The following USP6NL variants were observed in gnomAD, a reference collection of about 807,000 sequenced individuals.
USP6NL encodes USP6 N-terminal like.
USP6NL carries 26 observed loss-of-function variants against 61.9 expected under a neutral mutation model. The observed-to-expected ratio is 0.42, with a 90% CI of 0.31 to 0.58. The LOEUF is 0.58. USP6NL is among the 20% of genes least tolerant of loss of function. The pLI is 0.16. For missense variants in USP6NL, 1,114 were observed against 1,034.3 expected, an observed-to-expected ratio of 1.08 and a Z score of -1.06; for synonymous variants, 432 against 390.1, an observed-to-expected ratio of 1.11 and a Z score of -1.27.
At chr10:11,479,839 T>C (rs1833126351) in intron 14 of USP6NL, among the ~76,000 whole-genome samples, 1 of 152,184 alleles carries the variant, frequency 6.6e-6, no homozygotes, top group Non-Finnish European at 1.5e-5. Flanking sequence ...CCTCCTGAAG[T>C]GCTGGGATTA....
At chr10:11,560,675 GA>G (rs1278083807) in intron 2 of USP6NL, among the ~76,000 whole-genome samples, 2 of 131,858 alleles carry the variant, frequency 1.5e-5, no homozygotes, top group Non-Finnish European at 3.3e-5. Context: ...AAACAAAGAA[GA>G]AAAAAAAGGC....
At chr10:11,538,843 C>T (rs1240678305) in intron 2 of USP6NL, among the ~76,000 whole-genome samples, 1 of 152,082 alleles carries the variant, frequency 6.6e-6, no homozygotes, top group Non-Finnish European at 1.5e-5. Context: ...TAGGGGGCTC[C>T]GGGAAGATGA....
intron 2 of USP6NL, among the ~76,000 whole-genome samples, chr10:11,552,498 G>A (rs1836529389): frequency 6.6e-6 from 1 of 152,216 alleles, no homozygotes; most frequent in Non-Finnish European, 1.5e-5. Flanking sequence ...TTTAAGATTA[G>A]TCCTTGAAAT....
Position 11,548,812 on chromosome 10 carries a change from T to C in USP6NL, c.5-21245A>G, listed in dbSNP as rs1368047732. Among the ~76,000 whole-genome samples, 1 of 152,218 alleles carries C rather than the reference T, an allele frequency of 6.6e-6. No individual in the cohort carries two copies. The highest frequency in any genetic ancestry group is 2.4e-5 in the African/African-American group (1 of 41,456). ...ATCATAGAAGACATGTATACCTTTC[T>C]AACACTCAAATAAAACTTATCTCCA... On this transcript the variant is annotated intron_variant, in intron 2 of 14. Transcript: ENST00000609104. The surrounding 1 kb of genome is among the most constrained non-coding windows in gnomAD (Gnocchi z 4.3).
intron 14 of USP6NL, among the ~76,000 whole-genome samples, chr10:11,466,851 AT>A (rs1832481166): frequency 6.6e-6 from 1 of 152,190 alleles, no homozygotes; most frequent in Non-Finnish European, 1.5e-5. Context: ...AGTGGTAGGT[AT>A]TTGTGAATCT....
rs1463377452 is a variant in USP6NL at position 11,571,561 on chromosome 10, T to G, written c.4+26070A>C. Among the ~76,000 whole-genome samples, 3 of 152,118 alleles carry G rather than the reference T, an allele frequency of 2.0e-5. No homozygotes were observed. The South Asian group carries it at 6.2e-4, about 32-fold the overall frequency. The stretch of plus-strand genomic sequence containing the variant: ...TTCACAAATCAATTTTTCATACTAT[T>G]TATAATATTAATATGAATACAATAC... On this transcript the variant is annotated intron_variant, in intron 2 of 14. Transcript: ENST00000609104.
At chr10:11,526,346 G>A (rs1835420081) in intron 3 of USP6NL, among the ~76,000 whole-genome samples, 1 of 152,060 alleles carries the variant, frequency 6.6e-6, no homozygotes, top group Non-Finnish European at 1.5e-5. Context: ...CAGTACACTG[G>A]GAGCATCCTG....
rs1487285674 is a variant in USP6NL at position 11,602,749 on chromosome 10, G to A, written c.-83-5032C>T. On this transcript the variant is annotated intron_variant, in intron 1 of 14. Transcript: ENST00000609104. The surrounding 1 kb of genome is among the most constrained non-coding windows in gnomAD (Gnocchi z 4.8). ...ATTTCATTTTTGGGATGCTCAACTGGTATAATGCAAATATTCCAAAATCTG... is the reference window on the plus strand; with the variant it reads ...ATTTCATTTTTGGGATGCTCAACTGATATAATGCAAATATTCCAAAATCTG... Among the ~76,000 whole-genome samples, 2 of 152,118 alleles carry A rather than the reference G, an allele frequency of 1.3e-5. No homozygotes were observed. Among genetic ancestry groups the A allele is most frequent in the African/African-American group, 4.8e-5 (2 of 41,422 alleles).
At position 11,504,839 on chromosome 10, in the gene USP6NL, A is replaced by ACC. The variant is rs555355320; in HGVS notation, c.277-3633_277-3632dup. ...ACATGAGCTGCTAACAGTGCTGAGCACCATGCCCTGACAGGGGAGGTGCTG... is the reference window on the plus strand; with the variant it reads ...ACATGAGCTGCTAACAGTGCTGAGCACCCCATGCCCTGACAGGGGAGGTGCTG... On this transcript the variant is annotated intron_variant, in intron 6 of 14. Coordinates refer to ENST00000609104, the MANE Select transcript of USP6NL (RefSeq NM_014688.5). Among the ~76,000 whole-genome samples the ACC allele has an allele frequency of 2.0e-5, 3 of 152,326 alleles. 1 individual carries two copies. Among genetic ancestry groups the ACC allele is most frequent in the African/African-American group, 7.2e-5 (3 of 41,562 alleles).
chr10:11,540,113 A>G lies in USP6NL; in HGVS notation c.5-12546T>C, dbSNP rs556042682. On this transcript the variant is annotated intron_variant, in intron 2 of 14. Coordinates refer to ENST00000609104, the MANE Select transcript of USP6NL (RefSeq NM_014688.5). This position sits in a 1 kb window ranked among gnomAD's most constrained non-coding sequence, Gnocchi z 5.0. Reference sequence around the variant, plus strand: ...TCCTTACATTTCTTCCCACAGAAACAAATCTATGTGATTCCTGTGAATTCT... The same window carrying G: ...TCCTTACATTTCTTCCCACAGAAACGAATCTATGTGATTCCTGTGAATTCT... Among the ~76,000 whole-genome samples the G allele has an allele frequency of 2.0e-5, 3 of 152,324 alleles. No homozygotes were observed. The East Asian group carries it at 5.8e-4, about 29-fold the overall frequency.
chr10:11,468,072 C>T lies in USP6NL; in HGVS notation c.1079-4223G>A, dbSNP rs1192873977. ...AAGTCAGATTAATCAAGTATGGCAT[C>T]GCTTGATGGAGTCATGATGAGTGAT... On this transcript the variant is annotated intron_variant, in intron 14 of 14. Coordinates refer to ENST00000609104, the MANE Select transcript of USP6NL (RefSeq NM_014688.5). The surrounding 1 kb of genome is among the most constrained non-coding windows in gnomAD (Gnocchi z 4.5). 6.6e-6 allele frequency among the ~76,000 whole-genome samples: 1 copy of T among 152,198 alleles called. No individual in the cohort carries two copies. The highest frequency in any genetic ancestry group is 6.5e-5 in the Admixed American group (1 of 15,288).
chr10:11,486,466 C>T (rs965158337), intron 10 of USP6NL, among the ~76,000 whole-genome samples: 2 of 152,014 alleles, frequency 1.3e-5, no homozygotes, highest in African/African-American at 4.8e-5. Context: ...GGTATTTTAT[C>T]CCAAGTGACT....
chr10:11,584,381 G>A (rs543026407), intron 2 of USP6NL, among the ~76,000 whole-genome samples: 14 of 152,134 alleles, frequency 9.2e-5, no homozygotes, highest in African/African-American at 2.4e-4. Context: ...AAACACAGAC[G>A]TCCCTCTAAC....
intron 4 of USP6NL, among the ~76,000 whole-genome samples, chr10:11,521,283 G>A (rs1374481011): frequency 6.8e-6 from 1 of 147,404 alleles, no homozygotes; most frequent in Non-Finnish European, 1.5e-5. Flanking sequence ...GAGTTCTCAA[G>A]CCTTTGTAAT....
chr10:11,601,714 T>C (rs985059337), intron 1 of USP6NL, among the ~76,000 whole-genome samples: 1 of 152,248 alleles, frequency 6.6e-6, no homozygotes, highest in African/African-American at 2.4e-5. Flanking sequence ...CATTTGTTCC[T>C]TAAAAGTAAA....
chr10:11,503,568 T>C (rs1834308776), intron 6 of USP6NL, among the ~76,000 whole-genome samples: 3 of 152,190 alleles, frequency 2.0e-5, no homozygotes, highest in Admixed American at 6.5e-5. Flanking sequence ...ATTGATACAG[T>C]GTCACTATCA....
At chr10:11,567,319 C>T (rs1316006383) in intron 2 of USP6NL, among the ~76,000 whole-genome samples, 3 of 152,200 alleles carry the variant, frequency 2.0e-5, no homozygotes, top group African/African-American at 4.8e-5. Context: ...CAACTTACTT[C>T]AAAAACTCCT....
rs777342818 is a variant in USP6NL at position 11,491,876 on chromosome 10, T to C, written c.495-996A>G. On this transcript the variant is annotated intron_variant, in intron 8 of 14. Coordinates refer to ENST00000609104, the MANE Select transcript of USP6NL (RefSeq NM_014688.5). The surrounding 1 kb of genome is among the most constrained non-coding windows in gnomAD (Gnocchi z 4.7). ...GGAATATGGAATGGGCAGTGAAACG[T>C]GGCATTATAAACACCACCTGTGACC... 8.5e-5 allele frequency among the ~76,000 whole-genome samples: 13 copies of C among 152,230 alleles called. No individual in the cohort carries two copies. The highest frequency in any genetic ancestry group is 1.6e-4 in the Non-Finnish European group (11 of 68,032).
In USP6NL at chr10:11,482,054, A is replaced by G; in HGVS notation, c.926-132T>C. The G allele has an allele frequency of 2.3e-6, 2 of 852,754 alleles. No individual in the cohort carries two copies. The highest frequency in any genetic ancestry group is 1.7e-5 in the African/African-American group (1 of 58,044). 52.8% of individuals were successfully genotyped at this position (852,754 alleles called of 1,614,324 possible). ...AAGCAGCATACAACTTACATATGGC[A>G]TTGAGGACATCATTAAAACTCAGTA... On this transcript the variant is annotated intron_variant, in intron 13 of 14. Coordinates refer to ENST00000609104, the MANE Select transcript of USP6NL (RefSeq NM_014688.5). This position sits in a 1 kb window ranked among gnomAD's most constrained non-coding sequence, Gnocchi z 4.0.
Sources: gnomAD v4.1 joint callset for allele counts (sites outside exome capture counted in the v4.1 genomes callset) on GRCh38, gnomAD v4.1.1 for gene constraint, Gnocchi (gnomAD v3.1) non-coding constraint, MANE v1.5 for transcripts, NCBI Gene and HGNC (gene_info 2026-07-23, HGNC 2026-07-21) for gene names.